Variants in SRBD1 observed in about 807,000 individuals in gnomAD.
SRBD1 encodes S1 RNA-binding domain-containing protein 1.
Under a neutral mutation model 115.3 loss-of-function variants are expected in SRBD1, and 88 were observed. The ratio of observed to expected loss-of-function variants is 0.76; its 90% CI spans 0.64 to 0.91. SRBD1 has a LOEUF of 0.91. Among genes scored for constraint, SRBD1 ranks in the 40% least tolerant of loss-of-function variants. The pLI, the probability that SRBD1 is intolerant of heterozygous loss-of-function variation, is 0.00. For synonymous variants in SRBD1, 509 were observed against 407.7 expected, an observed-to-expected ratio of 1.25 and a Z score of -2.99; for missense variants, 1,385 against 1,177.4, an observed-to-expected ratio of 1.18 and a Z score of -2.58.
At chr2:45,508,466 G>T (rs1226781957) in intron 14 of SRBD1, among the ~76,000 whole-genome samples, 1 of 152,118 alleles carries the variant, frequency 6.6e-6, no homozygotes, top group Non-Finnish European at 1.5e-5. Flanking sequence ...TAAAGGACTT[G>T]ATGTTGTCCT....
In SRBD1 at chr2:45,476,899, T is replaced by G. The variant is rs147337602; in HGVS notation, c.2049+94A>C. The stretch of plus-strand genomic sequence containing the variant: ...AACTGTATAACCTTGAAAATGGGAA[T>G]CTACTCCCACAGACACTTAATTACT... On this transcript the variant is annotated intron_variant, in intron 16 of 20. Coordinates refer to ENST00000263736, the MANE Select transcript of SRBD1 (RefSeq NM_018079.5). 3.3e-5 allele frequency: 37 copies of G among 1,122,196 alleles called. No homozygotes were observed. In the East Asian group the frequency reaches 8.9e-4, roughly 27 times the overall value. The allele number at this position is 1,122,196 out of a possible 1,614,324, so 69.5% of individuals were successfully genotyped here.
At chr2:45,484,263 T>A (rs1314510694) in intron 15 of SRBD1, among the ~76,000 whole-genome samples, 1 of 152,198 alleles carries the variant, frequency 6.6e-6, no homozygotes, top group Non-Finnish European at 1.5e-5. Flanking sequence ...GCTTGTCAAC[T>A]ATGGCTTACT....
intron 14 of SRBD1, among the ~76,000 whole-genome samples, chr2:45,491,750 C>T (rs1432027276): frequency 6.6e-6 from 1 of 152,088 alleles, no homozygotes; most frequent in African/African-American, 2.4e-5. Flanking sequence ...AAGTAAAGTA[C>T]CTACAATATC....
At chr2:45,566,716 A>G (rs1478819405) in intron 9 of SRBD1, among the ~76,000 whole-genome samples, 1 of 152,210 alleles carries the variant, frequency 6.6e-6, no homozygotes, top group Non-Finnish European at 1.5e-5. Context: ...TCTTTTCTTA[A>G]AGCACTCTTT....
intron 14 of SRBD1, among the ~76,000 whole-genome samples, chr2:45,516,806 G>A (rs533756857): frequency 2.0e-5 from 3 of 152,228 alleles, no homozygotes; most frequent in South Asian, 2.1e-4. Context: ...TGCAGGAAAG[G>A]CATTTTGTTA....
intron 12 of SRBD1, among the ~76,000 whole-genome samples, chr2:45,549,567 A>G (rs971432160): frequency 3.9e-5 from 6 of 151,936 alleles, no homozygotes; most frequent in East Asian, 3.9e-4. Flanking sequence ...AGAAAATAAG[A>G]GTAACGTTAA....
chr2:45,506,357 C>T (rs1477713808), intron 14 of SRBD1, among the ~76,000 whole-genome samples: 3 of 152,148 alleles, frequency 2.0e-5, no homozygotes, highest in African/African-American at 7.2e-5. Context: ...AGATAAAGCA[C>T]AAGCAGGAGC....
chr2:45,465,528 G>C (rs1431091002), intron 16 of SRBD1, among the ~76,000 whole-genome samples: 1 of 152,122 alleles, frequency 6.6e-6, no homozygotes. Context: ...AAACTGAACA[G>C]ATTCTTACCT....
intron 16 of SRBD1, among the ~76,000 whole-genome samples, chr2:45,465,764 A>C (rs1457611673): frequency 7.9e-5 from 12 of 152,188 alleles, no homozygotes; most frequent in Admixed American, 7.9e-4. Flanking sequence ...AGTGCATTAC[A>C]TTACAGTGCA....
At chr2:45,580,092 A>C in intron 6 of SRBD1, 79 bp from the exon 7 acceptor site, 1 of 1,151,890 alleles carries the variant, frequency 8.7e-7, no homozygotes, top group Non-Finnish European at 1.2e-6. Flanking sequence ...ATTAGAGGAC[A>C]TGCTGAGAAT....
Position 45,461,574 on chromosome 2 carries a change from G to A in SRBD1, c.2049+15419C>T, listed in dbSNP as rs534561699. On this transcript the variant is annotated intron_variant, in intron 16 of 20. Transcript: ENST00000263736. ...GTCCCTCTGTCAATCCCACTCTACA[G>A]TGCATATGCTTCTGTGTGGTACACA... Among the ~76,000 whole-genome samples, 25 of 152,252 alleles carry A rather than the reference G, an allele frequency of 1.6e-4. No individual in the cohort carries two copies. The East Asian group carries it at 4.6e-3, about 28-fold the overall frequency.
At chr2:45,416,609 G>A (rs984334223) in intron 18 of SRBD1, among the ~76,000 whole-genome samples, 1 of 152,178 alleles carries the variant, frequency 6.6e-6, no homozygotes, top group African/African-American at 2.4e-5. Flanking sequence ...TGCAGAGCCT[G>A]ATCCCTTGTG....
In SRBD1 at chr2:45,576,063, C is replaced by A. The variant is rs77943478; in HGVS notation, c.1073-1340G>T. On this transcript the variant is annotated intron_variant, in intron 7 of 20. Coordinates refer to ENST00000263736, the MANE Select transcript of SRBD1 (RefSeq NM_018079.5). ...GAACAAGGGTGCCTGCCTCTCGTCACCCCTTCCACCTCCTCCACCACTTCT... is the reference window on the plus strand; with the variant it reads ...GAACAAGGGTGCCTGCCTCTCGTCAACCCTTCCACCTCCTCCACCACTTCT... Among the ~76,000 whole-genome samples the A allele has an allele frequency of 9.4e-3, 1,435 of 152,228 alleles. 16 individuals are homozygous for A. The highest frequency in any genetic ancestry group is 0.031 in the Middle Eastern group (9 of 292).
chr2:45,502,334 G>A (rs1246331209), intron 14 of SRBD1, among the ~76,000 whole-genome samples: 2 of 152,206 alleles, frequency 1.3e-5, no homozygotes, highest in Non-Finnish European at 2.9e-5. Context: ...TTACTGGGTA[G>A]ATACCCAAAG....
At chr2:45,422,058 T>C (rs994775396) in intron 16 of SRBD1, among the ~76,000 whole-genome samples, 5 of 152,040 alleles carry the variant, frequency 3.3e-5, no homozygotes, top group Non-Finnish European at 7.4e-5. Context: ...GGAGATAGTA[T>C]GGCAATGTAA....
chr2:45,551,708 A>G (rs968216636), intron 11 of SRBD1, among the ~76,000 whole-genome samples: 7 of 152,214 alleles, frequency 4.6e-5, no homozygotes, highest in Admixed American at 3.3e-4. Context: ...AGAAACAGCA[A>G]GTAATTTCGT....
intron 16 of SRBD1, among the ~76,000 whole-genome samples, chr2:45,453,268 GAA>G (rs534496837): frequency 2.4e-5 from 3 of 127,402 alleles, no homozygotes; most frequent in Non-Finnish European, 1.6e-5. Flanking sequence ...CTGCTATAAG[GAA>G]AAAAAAAAAA....
intron 15 of SRBD1, among the ~76,000 whole-genome samples, chr2:45,486,755 A>T (rs1250097355): frequency 6.6e-6 from 1 of 150,956 alleles, no homozygotes; most frequent in East Asian, 1.9e-4. Flanking sequence ...AAAATAAAAT[A>T]AAATAAATAA....
intron 19 of SRBD1, among the ~76,000 whole-genome samples, chr2:45,411,217 C>G (rs576892291): frequency 6.6e-6 from 1 of 152,072 alleles, no homozygotes; most frequent in Non-Finnish European, 1.5e-5. Flanking sequence ...GCAGAATTGA[C>G]TGGTTGGAGG....
Sources: allele counts gnomAD v4.1 joint callset (sites outside exome capture counted in the v4.1 genomes callset), GRCh38; gene constraint gnomAD v4.1.1; transcripts MANE v1.5; gene names NCBI Gene and HGNC (gene_info 2026-07-23, HGNC 2026-07-21).